B4GALT6: variants seen among roughly 807,000 people sequenced by gnomAD.
B4GALT6 encodes UDP-Gal:beta-GlcNAc beta-1,4-galactosyltransferase 6.
B4GALT6 carries 14 observed loss-of-function variants against 46.3 expected under a neutral mutation model. The observed-to-expected ratio is 0.30, with a 90% CI of 0.20 to 0.47. The LOEUF (loss-of-function observed/expected upper bound fraction) is 0.47, where lower values mean the gene tolerates loss of function less well. Among genes scored for constraint, B4GALT6 ranks in the 20% least tolerant of loss-of-function variants. The pLI, the probability that B4GALT6 is intolerant of heterozygous loss-of-function variation, is 0.99. For synonymous variants in B4GALT6, 168 were observed against 162.0 expected, an observed-to-expected ratio of 1.04 and a Z score of -0.28; for missense variants, 386 against 480.1, an observed-to-expected ratio of 0.80 and a Z score of 1.83.
chr18:31,661,031 G>A (rs1356368566), intron 2 of B4GALT6, among the ~76,000 whole-genome samples: 1 of 152,100 alleles, frequency 6.6e-6, no homozygotes, highest in Non-Finnish European at 1.5e-5. Flanking sequence ...TGTGCCTAAG[G>A]GAAAATCAGC....
chr18:31,706,686 T>G, the B4GALT6 span, among the ~76,000 whole-genome samples: 2 of 152,172 alleles, frequency 1.3e-5, no homozygotes, highest in Non-Finnish European at 2.9e-5. Context: ...ACTCTCTTCA[T>G]TTCCATAATT....
the B4GALT6 span, among the ~76,000 whole-genome samples, chr18:31,694,332 G>A: frequency 6.6e-6 from 1 of 152,200 alleles, no homozygotes; most frequent in African/African-American, 2.4e-5. Context: ...ACAGAGATCA[G>A]TACATATAAA....
chr18:31,659,843 C>G (rs2074189832), intron 2 of B4GALT6, among the ~76,000 whole-genome samples: 1 of 151,974 alleles, frequency 6.6e-6, no homozygotes, highest in Non-Finnish European at 1.5e-5. Context: ...ACCACAGACA[C>G]TACACTGGTA....
chr18:31,633,898 T>C (rs1274578336), intron 5 of B4GALT6, among the ~76,000 whole-genome samples: 1 of 152,226 alleles, frequency 6.6e-6, no homozygotes, highest in Non-Finnish European at 1.5e-5. Context: ...CCGGTCCTTC[T>C]GGGCCAGCAA....
At chr18:31,641,031 G>T (rs2073924735) in intron 4 of B4GALT6, among the ~76,000 whole-genome samples, 1 of 152,132 alleles carries the variant, frequency 6.6e-6, no homozygotes, top group Non-Finnish European at 1.5e-5. Flanking sequence ...TTTGAATTTG[G>T]CCACGAGTTG....
chr18:31,626,979 C>A lies in B4GALT6; in HGVS notation c.899+20G>T, dbSNP rs766103784. ...GATTTATAAAAATTCTATTAGTGAA[C>A]AATTTGTACCTCAACATACCTGTTC... On this transcript the variant is annotated intron_variant, in intron 7 of 8. Coordinates refer to ENST00000306851, the MANE Select transcript of B4GALT6 (RefSeq NM_004775.5). The A allele has an allele frequency of 6.3e-7, 1 of 1,589,082 alleles. No individual in the cohort carries two copies. The highest frequency in any genetic ancestry group is 8.5e-7 in the Non-Finnish European group (1 of 1,170,950).
chr18:31,699,046 A>T, the B4GALT6 span, among the ~76,000 whole-genome samples: 1 of 150,562 alleles, frequency 6.6e-6, no homozygotes. Context: ...TGGGTGACAG[A>T]GCCAGCCTGG....
intron 1 of B4GALT6, among the ~76,000 whole-genome samples, chr18:31,678,290 A>G (rs992040169): frequency 2.6e-5 from 4 of 152,118 alleles, no homozygotes; most frequent in Non-Finnish European, 5.9e-5. Context: ...AAGGCCACTT[A>G]TTTCACTGAT....
chr18:31,679,112 G>A (rs1357822446), intron 1 of B4GALT6, among the ~76,000 whole-genome samples: 1 of 152,126 alleles, frequency 6.6e-6, no homozygotes, highest in African/African-American at 2.4e-5. Context: ...CACAGACATG[G>A]CTATTTTTAT....
chr18:31,654,407 T>C (rs2074113784), intron 3 of B4GALT6, among the ~76,000 whole-genome samples: 1 of 152,246 alleles, frequency 6.6e-6, no homozygotes, highest in Admixed American at 6.5e-5. Context: ...AATGTGGATT[T>C]GCCCTTTGGA....
the B4GALT6 span, among the ~76,000 whole-genome samples, chr18:31,721,992 C>T: frequency 1.1e-4 from 17 of 151,992 alleles, no homozygotes; most frequent in East Asian, 1.9e-4. Flanking sequence ...ACATACCCTT[C>T]GAACTAGGAA....
At chr18:31,629,136 T>C (rs1200413289) in intron 6 of B4GALT6, among the ~76,000 whole-genome samples, 1 of 152,240 alleles carries the variant, frequency 6.6e-6, no homozygotes, top group African/African-American at 2.4e-5. Context: ...ATGGTAAGAA[T>C]ATGGTATACA....
At chr18:31,627,614 GATCTT>G (rs1407047329) in intron 6 of B4GALT6, among the ~76,000 whole-genome samples, 3 of 152,142 alleles carry the variant, frequency 2.0e-5, no homozygotes, top group East Asian at 1.9e-4. Context: ...CTTTTATAAT[GATCTT>G]ATCTGTTGGA....
intron 4 of B4GALT6, among the ~76,000 whole-genome samples, chr18:31,643,106 G>C (rs903648223): frequency 1.3e-5 from 2 of 152,098 alleles, no homozygotes; most frequent in Admixed American, 6.5e-5. Context: ...GGCAGGGACG[G>C]GTAGGGGGAG....
the B4GALT6 span, chr18:31,724,338 T>C: frequency 1.3e-6 from 1 of 772,250 alleles, no homozygotes; most frequent in Non-Finnish European, 1.8e-6. Flanking sequence ...TCCAGGCGGC[T>C]TAGCCTCTGG....
the B4GALT6 span, among the ~76,000 whole-genome samples, chr18:31,717,089 T>C: frequency 6.6e-6 from 1 of 151,794 alleles, no homozygotes. Context: ...GACGACAGAG[T>C]GAGACTCTAT....
rs117832955 is a variant in B4GALT6, at chr18:31,652,481, G to A, written c.346+5495C>T. ...CCTGTCTCCCCTTCTTCTGTTAACC[G>A]CCACTCACCTCACAAGTACGGATTT... is the stretch of plus-strand genomic sequence containing the variant. On this transcript the variant is annotated intron_variant, in intron 3 of 8. Coordinates refer to ENST00000306851, the MANE Select transcript of B4GALT6 (RefSeq NM_004775.5). Among the ~76,000 whole-genome samples the A allele has an allele frequency of 7.4e-4, 112 of 151,840 alleles. No individual in the cohort carries two copies. In the East Asian group the frequency reaches 0.021, roughly 28 times the overall value.
chr18:31,684,384 G>A lies in B4GALT6; in HGVS notation c.43C>T (p.Leu15Phe), dbSNP rs538228628. The change falls in exon 1 of 9, where the codon CTC becomes TTC. Residue 15 changes from leucine (L) to phenylalanine (F), a missense_variant. Leu to Phe is a conservative substitution (Grantham distance 22, BLOSUM62 0). Coordinates refer to ENST00000306851, the MANE Select transcript of B4GALT6 (RefSeq NM_004775.5). ...GAGAAGAAGAAGATGAAGGCGAGGA[G>A]AGAGCGATTGGAAACCCGCATCATC... Reference protein sequence around the residue: ...RRMMRVSNRSLLAFIFFFSLS... With the variant: ...RRMMRVSNRSFLAFIFFFSLS... 2.0e-5 allele frequency: 32 copies of A among 1,613,926 alleles called. No individual in the cohort carries two copies. The highest frequency in any genetic ancestry group is 3.3e-5 in the Admixed American group (2 of 60,022).
chr18:31,692,950 A>G, the B4GALT6 span, among the ~76,000 whole-genome samples: 1 of 152,222 alleles, frequency 6.6e-6, no homozygotes, highest in Non-Finnish European at 1.5e-5. Flanking sequence ...GATGTAATAT[A>G]GGTATTGTAC....
Sources: allele counts gnomAD v4.1 joint callset (sites outside exome capture counted in the v4.1 genomes callset), GRCh38; gene constraint gnomAD v4.1.1; transcripts MANE v1.5; gene names NCBI Gene and HGNC (gene_info 2026-07-23, HGNC 2026-07-21).